STARD3: variants seen among roughly 807,000 people sequenced by gnomAD.
The protein encoded by STARD3 is stAR-related lipid transfer protein 3.
A neutral mutation model predicts 62.0 loss-of-function variants in STARD3; 39 were observed. The observed-to-expected ratio is 0.63, with a 90% CI of 0.49 to 0.82. The LOEUF is 0.82. Ranked by LOEUF, STARD3 falls within the 40% of genes least tolerant of loss-of-function variation. STARD3 has a pLI of 0.00. For synonymous variants in STARD3, 229 were observed against 242.4 expected, an observed-to-expected ratio of 0.94 and a Z score of 0.51; for missense variants, 543 against 584.5, an observed-to-expected ratio of 0.93 and a Z score of 0.73.
At chr17:39,639,421 G>A (rs1168692603) in intron 1 of STARD3, among the ~76,000 whole-genome samples, 4 of 152,170 alleles carry the variant, frequency 2.6e-5, no homozygotes, top group Non-Finnish European at 4.4e-5. Flanking sequence ...GGAACTAGAG[G>A]GAGAAAAAGA....
intron 6 of STARD3, 96 bp downstream of exon 6, chr17:39,658,618 A>G: frequency 6.4e-7 from 1 of 1,567,802 alleles, no homozygotes; most frequent in Non-Finnish European, 8.8e-7. Flanking sequence ...GCATCTCGCC[A>G]CCTCTGAGCA....
At position 39,657,971 on chromosome 17, in the gene STARD3, A is replaced by G; in HGVS notation, c.376-2A>G. 1.3e-6 allele frequency: 2 copies of G among 1,590,140 alleles called. No individual in the cohort carries two copies. Among genetic ancestry groups the G allele is most frequent in the East Asian group, 4.5e-5 (2 of 44,622 alleles). The stretch of plus-strand genomic sequence containing the variant: ...CCCTTCCTCCCTCCCTCCCCTGGGC[A>G]GGTCACGACGCTGGTGTCCAGTGCA... On this transcript the variant is annotated splice_acceptor_variant, in intron 4 of 14. Coordinates refer to ENST00000336308, the MANE Select transcript of STARD3 (RefSeq NM_006804.4). LOFTEE classifies it high-confidence loss of function.
Position 39,657,868 on chromosome 17 carries a change from C to A in STARD3, c.375+16C>A. 1 of 1,614,204 alleles carries A rather than the reference C, an allele frequency of 6.2e-7. No individual in the cohort carries two copies. Among genetic ancestry groups the A allele is most frequent in the Non-Finnish European group, 8.5e-7 (1 of 1,180,016 alleles). ...GGTGATTGCGGTAAGATGCCACTTT[C>A]CTGGCAGCTTCTGGGCCCTGGCAGG... On this transcript the variant is annotated intron_variant, in intron 4 of 14. Transcript: ENST00000336308.
intron 1 of STARD3, among the ~76,000 whole-genome samples, chr17:39,643,757 GC>G (rs1485174502): frequency 2.6e-5 from 4 of 152,188 alleles, no homozygotes; most frequent in Non-Finnish European, 4.4e-5. Flanking sequence ...GTCAGTCAGA[GC>G]TCAAGACTCT....
At chr17:39,662,147 A>C in intron 13 of STARD3, 104 bp from the exon 14 acceptor site, 9 of 1,021,900 alleles carry the variant, frequency 8.8e-6, no homozygotes, top group Non-Finnish European at 1.3e-5. Context: ...CTTCCAGCCC[A>C]GTCCCAGCTG....
chr17:39,658,986 C>T (rs1597799045), intron 7 of STARD3, 65 bp from the exon 8 acceptor site: 2 of 1,604,070 alleles, frequency 1.2e-6, no homozygotes, highest in African/African-American at 2.7e-5. Context: ...CATACCCGAA[C>T]CCCACTACCT....
rs374890799 is a variant in STARD3 at position 39,640,229 on chromosome 17, G to A, written c.-52+2998G>A. 6.0e-4 allele frequency among the ~76,000 whole-genome samples: 91 copies of A among 152,312 alleles called. 1 individual carries two copies. In the South Asian group the frequency reaches 0.018, roughly 30 times the overall value. ...CTTGTGCCTGTTCCACTGAATGCGA[G>A]AGCCTGTTGGCTCCACTTTACAGAT... On this transcript the variant is annotated intron_variant, in intron 1 of 14. Coordinates refer to ENST00000336308, the MANE Select transcript of STARD3 (RefSeq NM_006804.4).
rs777075233 is a variant in STARD3 at position 39,653,755 on chromosome 17, G to GT, written c.219+6dup. 18 of 1,613,824 alleles carry GT rather than the reference G, an allele frequency of 1.1e-5. No individual in the cohort carries two copies. Among genetic ancestry groups the GT allele is most frequent in the Non-Finnish European group, 1.7e-6 (2 of 1,179,980 alleles). On this transcript the variant is annotated splice_donor_region_variant and intron_variant, in intron 2 of 14. Transcript: ENST00000336308. The stretch of plus-strand genomic sequence containing the variant: ...CTCTGGATCATCGAACTGAATGTGA[G>GT]TGGGGGCGAGGTGGGGGCACAGGCC...
At chr17:39,646,421 T>A (rs1182739529) in intron 1 of STARD3, among the ~76,000 whole-genome samples, 1 of 151,832 alleles carries the variant, frequency 6.6e-6, no homozygotes, top group Admixed American at 6.6e-5. Context: ...CCTGGCAAAT[T>A]TTTGTATTTT....
chr17:39,637,225 G>A lies in STARD3; in HGVS notation c.-58G>A, dbSNP rs1268033672. 1 of 152,336 alleles carries A rather than the reference G, an allele frequency of 6.6e-6. No individual in the cohort carries two copies. The allele number at this position is 152,336 out of a possible 1,614,324, so 9.4% of individuals were successfully genotyped here. On this transcript the variant is annotated 5_prime_UTR_variant, in exon 1 of 15. An upstream start codon of the reference 5' UTR is lost. Coordinates refer to ENST00000336308, the MANE Select transcript of STARD3 (RefSeq NM_006804.4). ...GAAGAGCCGGGGCCGTGGCTGACAT[G>A]GAGCAGGTGGGTCCCGGAGCGGTCG...
chr17:39,648,178 G>T (rs145548486), intron 1 of STARD3, among the ~76,000 whole-genome samples: 1 of 152,182 alleles, frequency 6.6e-6, no homozygotes, highest in African/African-American at 2.4e-5. Context: ...CCAGCTACTC[G>T]GGAGGCTGAG....
intron 1 of STARD3, among the ~76,000 whole-genome samples, chr17:39,645,672 A>G (rs1386565007): frequency 6.6e-6 from 1 of 152,030 alleles, no homozygotes; most frequent in Non-Finnish European, 1.5e-5. Context: ...AGGTTTCAGC[A>G]TGTTGGCCAG....
rs2057099039 is a variant in STARD3 at position 39,653,656 on chromosome 17, A to G, written c.125A>G (p.Lys42Arg). 5 of 1,614,116 alleles carry G rather than the reference A, an allele frequency of 3.1e-6. No homozygotes were observed. The highest frequency in any genetic ancestry group is 1.1e-5 in the South Asian group (1 of 91,090). The change falls in exon 2 of 15, where the codon AAG (lysine) becomes AGG (arginine). Residue 42 changes from lysine (K) to arginine (R), a missense_variant. Coordinates refer to ENST00000336308, the MANE Select transcript of STARD3 (RefSeq NM_006804.4). ...LSSHLLPPPE[K>R]RRAISDVRRT... Reference sequence around the variant, plus strand: ...TCGCACCTCCTTCCGCCGCCTGAGAAGCGAAGGGCCATCTCTGATGTCCGC... The same window carrying G: ...TCGCACCTCCTTCCGCCGCCTGAGAGGCGAAGGGCCATCTCTGATGTCCGC...
intron 1 of STARD3, among the ~76,000 whole-genome samples, chr17:39,647,354 A>G (rs549178701): frequency 6.6e-6 from 1 of 152,070 alleles, no homozygotes; most frequent in South Asian, 2.1e-4. Flanking sequence ...CCCTCCTGAC[A>G]CTTCTGAAGG....
chr17:39,655,704 G>A (rs995481973), intron 2 of STARD3, among the ~76,000 whole-genome samples: 15 of 152,108 alleles, frequency 9.9e-5, no homozygotes, highest in African/African-American at 3.6e-4. Flanking sequence ...TTTCAGTCTT[G>A]TAGTTTTACT....
rs765290248 is a variant in STARD3, at chr17:39,660,387, C to T, written c.859-44C>T. 28 of 1,611,348 alleles carry T rather than the reference C, an allele frequency of 1.7e-5. No homozygotes were observed. The highest frequency in any genetic ancestry group is 8.0e-5 in the African/African-American group (6 of 74,884). ...ACCAAGAGGGAAGGGTTGGTCTGCC[C>T]GAGCCCATCTGGCACCACCCAGCCC... On this transcript the variant is annotated intron_variant, in intron 10 of 14. Coordinates refer to ENST00000336308, the MANE Select transcript of STARD3 (RefSeq NM_006804.4). This position sits in a 1 kb window ranked among gnomAD's most constrained non-coding sequence, Gnocchi z 4.8.
chr17:39,659,831 C>T, intron 9 of STARD3: 1 of 483,698 alleles, frequency 2.1e-6, no homozygotes, highest in Non-Finnish European at 3.7e-6. Context: ...TTCTGCTCTG[C>T]ATCCGTTGTT....
At chr17:39,661,222 C>T (rs2145046203) in intron 13 of STARD3, 137 bp downstream of exon 13, 1 of 716,188 alleles carries the variant, frequency 1.4e-6, no homozygotes, top group Non-Finnish European at 2.3e-6. Context: ...CTGGGCTCTG[C>T]TCCTCCTGGC....
chr17:39,659,104 C>G lies in STARD3; in HGVS notation c.700C>G (p.Gln234Glu). The change falls in exon 8 of 15, where the codon CAG becomes GAG. Residue 234 changes from glutamine (Q) to glutamate (E), a missense_variant and splice_region_variant. Physicochemically the swap from Gln to Glu is conservative, Grantham distance 29. Transcript: ENST00000336308. ...EVAGKKSFSA[Q>E]EREYIRQGKE... ...TGCTGGGAAGAAAAGTTTCTCTGCT[C>G]AGGTATTTGCCTGCCTACCCCTAAC... The G allele has an allele frequency of 6.2e-7, 1 of 1,614,188 alleles. No individual in the cohort carries two copies. The highest frequency in any genetic ancestry group is 8.5e-7 in the Non-Finnish European group (1 of 1,180,034).
Sources: gnomAD v4.1 joint callset for allele counts (sites outside exome capture counted in the v4.1 genomes callset) on GRCh38, gnomAD v4.1.1 for gene constraint, Gnocchi (gnomAD v3.1) non-coding constraint, MANE v1.5 for transcripts, NCBI Gene and HGNC (gene_info 2026-07-23, HGNC 2026-07-21) for gene names.